MACROH2A1: variants seen among roughly 807,000 people sequenced by gnomAD.
The protein encoded by MACROH2A1 is core histone macro-H2A.1.
In MACROH2A1, 2 loss-of-function variants were observed where a neutral mutation model predicts 31.6. The ratio of observed to expected loss-of-function variants is 0.06; its 90% CI spans 0.03 to 0.20. MACROH2A1 has a LOEUF of 0.20. Ranked by LOEUF, MACROH2A1 falls within the 10% of genes least tolerant of loss-of-function variation. MACROH2A1 has a pLI of 1.00. For missense variants in MACROH2A1, 230 were observed against 474.0 expected (o/e 0.49, Z 4.78); for synonymous variants, 169 against 189.6 (o/e 0.89, Z 0.89).
At chr5:135,361,131 C>T (rs1013052104) in intron 4 of MACROH2A1, 1 of 239,408 alleles carries the variant, frequency 4.2e-6, no homozygotes, top group Non-Finnish European at 8.2e-6. Context: ...CTGTGATGAA[C>T]CATCTGTCTC....
rs1274977100 is a variant in MACROH2A1, at chr5:135,369,220, GCCT to G, written c.477+183_477+185del. 1.5e-6 allele frequency: 1 copy of G among 670,152 alleles called. No homozygotes were observed. 41.5% of individuals were successfully genotyped at this position (670,152 alleles called of 1,614,324 possible). A position where few individuals can be genotyped will look rare whatever the true frequency, so the allele number is the denominator to read the frequency against. On this transcript the variant is annotated intron_variant, in intron 4 of 8. Transcript: ENST00000511689. The surrounding 1 kb of genome is among the most constrained non-coding windows in gnomAD (Gnocchi z 4.3). ...TCAACTGGGTCCAGACTCTGGGAGG[GCCT>G]CCTGACTCTGGCTACTTGTGTTGGA...
At chr5:135,395,729 CTGAT>C (rs1767881026) in intron 1 of MACROH2A1, among the ~76,000 whole-genome samples, 1 of 152,304 alleles carries the variant, frequency 6.6e-6, no homozygotes, top group Admixed American at 6.5e-5. Context: ...AAGCTGCACT[CTGAT>C]TGGCTTGGAT....
In MACROH2A1 at chr5:135,398,922, T is replaced by C. The variant is rs1768446576; in HGVS notation, c.-34+140A>G. On this transcript the variant is annotated intron_variant, in intron 1 of 8. Coordinates refer to ENST00000511689, the MANE Select transcript of MACROH2A1 (RefSeq NM_138610.3). The surrounding 1 kb of genome is among the most constrained non-coding windows in gnomAD (Gnocchi z 4.6). ...GTAGTGCACGCGCGAGGACCCGGCG[T>C]GGGCCACACCGAACCCGGCGGCCCG... 1 of 148,046 alleles carries C rather than the reference T, an allele frequency of 6.8e-6. No homozygotes were observed. Among genetic ancestry groups the C allele is most frequent in the Non-Finnish European group, 1.5e-5 (1 of 67,104 alleles). The allele number at this position is 148,046 out of a possible 1,614,324, so 9.2% of individuals were successfully genotyped here. A position where few individuals can be genotyped will look rare whatever the true frequency, so the allele number is the denominator to read the frequency against.
chr5:135,348,896 C>A (rs1424796670), intron 6 of MACROH2A1, among the ~76,000 whole-genome samples: 7 of 152,150 alleles, frequency 4.6e-5, no homozygotes, highest in African/African-American at 1.7e-4. Flanking sequence ...AATTCCCCAC[C>A]CTGTGCCTAT....
intron 2 of MACROH2A1, among the ~76,000 whole-genome samples, chr5:135,380,168 A>G (rs535147370): frequency 6.6e-6 from 1 of 152,260 alleles, no homozygotes; most frequent in South Asian, 2.1e-4. Context: ...TTAGCCTTCA[A>G]TAAAAAACTA....
At chr5:135,354,304 G>A (rs924788757) in intron 5 of MACROH2A1, 10 of 152,190 alleles carry the variant, frequency 6.6e-5, no homozygotes, top group African/African-American at 1.9e-4. Flanking sequence ...CAGAAGTATC[G>A]GAAATATAAA....
intron 2 of MACROH2A1, among the ~76,000 whole-genome samples, chr5:135,377,140 T>G (rs1764986760): frequency 6.6e-6 from 1 of 152,306 alleles, no homozygotes; most frequent in Middle Eastern, 3.4e-3. Context: ...GGCTTTTGTC[T>G]GACCACAGCA....
chr5:135,343,366 CACCCCAAACTGGACTATTACAGTGG>C lies in MACROH2A1; in HGVS notation c.822_846del (p.Ile274MetfsTer13). The stretch of plus-strand genomic sequence containing the variant: ...TCCAGAAGTTCTTCACACTTGTCTG[CACCCCAAACTGGACTATTACAGTGG>C]ATCACAAACTTGGCAGGCAGGCCAT... On this transcript the variant is annotated frameshift_variant, in exon 8 of 9. Coordinates refer to ENST00000511689, the MANE Select transcript of MACROH2A1 (RefSeq NM_138610.3). LOFTEE classifies it high-confidence loss of function. The C allele has an allele frequency of 6.2e-7, 1 of 1,614,240 alleles. No homozygotes were observed. Among genetic ancestry groups the C allele is most frequent in the Non-Finnish European group, 8.5e-7 (1 of 1,180,050 alleles).
rs1762561348 is a variant in MACROH2A1 at position 135,359,402 on chromosome 5, A to G, written c.588+1095T>C. On this transcript the variant is annotated intron_variant, in intron 5 of 8. Coordinates refer to ENST00000511689, the MANE Select transcript of MACROH2A1 (RefSeq NM_138610.3). ...GGAACAAAAAATATTTTAAAACAAA[A>G]ACTTTCAAATCCCCAGACCTTAAGA... 3 of 985,082 alleles carry G rather than the reference A, an allele frequency of 3.0e-6. No homozygotes were observed. In the South Asian group the frequency reaches 1.4e-4, roughly 46 times the overall value. The allele number at this position is 985,082 out of a possible 1,614,324, so 61.0% of individuals were successfully genotyped here. A position where few individuals can be genotyped will look rare whatever the true frequency, so the allele number is the denominator to read the frequency against.
intron 6 of MACROH2A1, among the ~76,000 whole-genome samples, chr5:135,348,895 C>CG (rs1761182801): frequency 6.6e-6 from 1 of 152,186 alleles, no homozygotes; most frequent in African/African-American, 2.4e-5. Context: ...TAATTCCCCA[C>CG]CCTGTGCCTA....
At chr5:135,394,825 C>A (rs1419587509) in intron 1 of MACROH2A1, among the ~76,000 whole-genome samples, 1 of 152,196 alleles carries the variant, frequency 6.6e-6, no homozygotes, top group African/African-American at 2.4e-5. Context: ...CCCTGCCTGG[C>A]ACCCGGTAGA....
At chr5:135,355,553 CT>C in intron 5 of MACROH2A1, 1 of 237,258 alleles carries the variant, frequency 4.2e-6, no homozygotes, top group Admixed American at 5.1e-5. Context: ...TTTAAACAAT[CT>C]TGACTAGAAA....
intron 1 of MACROH2A1, among the ~76,000 whole-genome samples, chr5:135,390,971 T>G (rs1466661396): frequency 6.6e-6 from 1 of 152,188 alleles, no homozygotes; most frequent in East Asian, 1.9e-4. Context: ...GCCTCTGTCA[T>G]GAGCGCCCTG....
At chr5:135,364,716 C>T (rs565171737) in intron 4 of MACROH2A1, among the ~76,000 whole-genome samples, 98 of 152,284 alleles carry the variant, frequency 6.4e-4, no homozygotes, top group Non-Finnish European at 8.1e-4. Context: ...CCATGTTTAC[C>T]TATGTTTAGT....
At chr5:135,346,255 G>T in intron 6 of MACROH2A1, 198 bp from the exon 7 acceptor site, 1 of 579,648 alleles carries the variant, frequency 1.7e-6, no homozygotes. Flanking sequence ...CCCTCAAATT[G>T]CTGCTTCATC....
intron 4 of MACROH2A1, among the ~76,000 whole-genome samples, chr5:135,363,777 G>A (rs1763144935): frequency 6.6e-6 from 1 of 152,176 alleles, no homozygotes; most frequent in Non-Finnish European, 1.5e-5. Context: ...GGTTGAACTA[G>A]TTTACACTCT....
At position 135,389,111 on chromosome 5, in the gene MACROH2A1, CG is replaced by C. The variant is rs754249508; in HGVS notation, c.-19del. ...CTCGACATGGCGGTGGCCCTGGAGGCGGATCAGTGAGCACACTGTGAAGGCG... is the reference window on the plus strand; with the variant it reads ...CTCGACATGGCGGTGGCCCTGGAGGCGATCAGTGAGCACACTGTGAAGGCG... On this transcript the variant is annotated 5_prime_UTR_variant, in exon 2 of 9. Coordinates refer to ENST00000511689, the MANE Select transcript of MACROH2A1 (RefSeq NM_138610.3). The C allele has an allele frequency of 6.2e-7, 1 of 1,608,828 alleles. No homozygotes were observed. The highest frequency in any genetic ancestry group is 8.5e-7 in the Non-Finnish European group (1 of 1,176,344).
chr5:135,389,168 AGCACATGTCCC>A (rs1766848189), intron 1 of MACROH2A1, 42 bp from the exon 2 acceptor site: 7 of 1,465,606 alleles, frequency 4.8e-6, no homozygotes, highest in Non-Finnish European at 6.5e-6. Flanking sequence ...GGCTGGGGAC[AGCACATGTCCC>A]CTTTCCAGGT....
At chr5:135,360,372 C>T (rs1347867123) in intron 5 of MACROH2A1, 125 bp downstream of exon 5, 3 of 673,186 alleles carry the variant, frequency 4.5e-6, no homozygotes, top group Non-Finnish European at 7.9e-6. Flanking sequence ...AAGCTCACAG[C>T]CCACTCTGTC....
Sources: gnomAD v4.1 joint callset for allele counts (sites outside exome capture counted in the v4.1 genomes callset) on GRCh38, gnomAD v4.1.1 for gene constraint, Gnocchi (gnomAD v3.1) non-coding constraint, MANE v1.5 for transcripts, NCBI Gene and HGNC (gene_info 2026-07-23, HGNC 2026-07-21) for gene names.